ACACA: variants seen among roughly 807,000 people sequenced by gnomAD.
ACACA encodes the protein acetyl-CoA carboxylase alpha.
A neutral mutation model predicts 296.1 loss-of-function variants in ACACA; 103 were observed. The ratio of observed to expected loss-of-function variants is 0.35; its 90% CI spans 0.30 to 0.41. The LOEUF (loss-of-function observed/expected upper bound fraction) is 0.41. ACACA is among the 10% of genes least tolerant of loss of function. ACACA has a pLI of 1.00. For missense variants in ACACA, 1,554 were observed against 2,989.7 expected, an observed-to-expected ratio of 0.52 and a Z score of 11.20; for synonymous variants, 953 against 1,038.6, an observed-to-expected ratio of 0.92 and a Z score of 1.58.
chr17:37,318,560 G>A (rs2047200541), intron 3 of ACACA, among the ~76,000 whole-genome samples: 1 of 152,064 alleles, frequency 6.6e-6, no homozygotes, highest in Non-Finnish European at 1.5e-5. Context: ...TTCAATAGTG[G>A]TTATTCTCAA....
chr17:37,399,661 G>A (rs1488071779), intron 1 of ACACA, among the ~76,000 whole-genome samples: 2 of 152,160 alleles, frequency 1.3e-5, no homozygotes, highest in African/African-American at 4.8e-5. Flanking sequence ...TCCGCACTCT[G>A]TGTACATGAG....
At chr17:37,335,897 A>G (rs2048095489) in intron 2 of ACACA, among the ~76,000 whole-genome samples, 1 of 152,166 alleles carries the variant, frequency 6.6e-6, no homozygotes, top group Non-Finnish European at 1.5e-5. Context: ...TATGTTAATC[A>G]ATCCGGAATC....
chr17:37,102,465 G>A lies in ACACA; in HGVS notation c.6566-4481C>T, dbSNP rs189709348. ...GATCTGCCTGCCTCGGCCTCCAAAA[G>A]TGCTGGGATTACAGGTGTGAGCCAC... On this transcript the variant is annotated intron_variant, in intron 52 of 55. Transcript: ENST00000616317. Among the ~76,000 whole-genome samples, 690 of 152,270 alleles carry A rather than the reference G, an allele frequency of 4.5e-3. 2 individuals carry two copies. The highest frequency in any genetic ancestry group is 7.2e-3 in the Non-Finnish European group (487 of 68,018).
intron 10 of ACACA, among the ~76,000 whole-genome samples, chr17:37,268,743 A>ATCTATCTATCTATCTATCTATC (rs1260971683): frequency 9.8e-6 from 1 of 102,070 alleles, no homozygotes; most frequent in Non-Finnish European, 2.1e-5. Flanking sequence ...CTATCTATCT[A>ATCTATCTATCTATCTATCTATC]TATATATATA....
intron 10 of ACACA, among the ~76,000 whole-genome samples, chr17:37,269,042 A>AT (rs1185437534): frequency 4.7e-4 from 64 of 136,430 alleles, no homozygotes; most frequent in Middle Eastern, 3.5e-3. Flanking sequence ...CAATGAAAAA[A>AT]ATGTAAAAAA....
intron 14 of ACACA, among the ~76,000 whole-genome samples, chr17:37,255,294 T>A (rs999354992): frequency 6.6e-6 from 1 of 152,056 alleles, no homozygotes; most frequent in Non-Finnish European, 1.5e-5. Flanking sequence ...GAAATTATAC[T>A]GGAATATACT....
At chr17:37,219,614 T>C (rs557397043) in intron 29 of ACACA, among the ~76,000 whole-genome samples, 156 of 151,640 alleles carry the variant, frequency 1.0e-3, no homozygotes, top group Non-Finnish European at 2.0e-3. Context: ...CATAATAAGG[T>C]TATAAATCCA....
intron 3 of ACACA, among the ~76,000 whole-genome samples, chr17:37,311,712 A>G (rs1158024806): frequency 6.6e-6 from 1 of 152,004 alleles, no homozygotes; most frequent in Non-Finnish European, 1.5e-5. Context: ...AAGAACAAGA[A>G]AAGCTTCATA....
intron 1 of ACACA, among the ~76,000 whole-genome samples, chr17:37,351,604 G>T (rs2048906224): frequency 6.6e-6 from 1 of 152,170 alleles, no homozygotes; most frequent in Non-Finnish European, 1.5e-5. Flanking sequence ...ATCTGTCAGA[G>T]GATTTAGCCA....
chr17:37,368,441 C>T lies in ACACA; in HGVS notation c.39-28591G>A, dbSNP rs148561282. Among the ~76,000 whole-genome samples the T allele has an allele frequency of 8.0e-3, 1,215 of 151,710 alleles. 15 individuals are homozygous for T. The highest frequency in any genetic ancestry group is 0.028 in the African/African-American group (1,149 of 41,362). ...ACTAAAAATACAAAAATTAGCTGGG[C>T]ATGGTGGCGGGAACCTGTAATCCCA... On this transcript the variant is annotated intron_variant, in intron 1 of 55. Transcript: ENST00000616317.
chr17:37,269,349 C>A (rs1168630963), intron 10 of ACACA, among the ~76,000 whole-genome samples: 1 of 152,114 alleles, frequency 6.6e-6, no homozygotes, highest in Non-Finnish European at 1.5e-5. Flanking sequence ...TCCCAATAAA[C>A]CCAACATAAG....
chr17:37,112,049 ACTATCTATCTATCTAT>A lies in ACACA; in HGVS notation c.6453-422_6453-407del, dbSNP rs10531552. Among the ~76,000 whole-genome samples, 25 of 149,458 alleles carry A rather than the reference ACTATCTATCTATCTAT, an allele frequency of 1.7e-4. 1 individual carries two copies. The highest frequency in any genetic ancestry group is 2.7e-4 in the Non-Finnish European group (18 of 67,540). ...TAATGAAGGGCAATACTTCATCAAT[ACTATCTATCTATCTAT>A]CTATCTATCTATCTATCTACCTCAC... On this transcript the variant is annotated intron_variant, in intron 51 of 55. Coordinates refer to ENST00000616317, the MANE Select transcript of ACACA (RefSeq NM_198834.3).
intron 30 of ACACA, among the ~76,000 whole-genome samples, chr17:37,209,016 A>T (rs963067413): frequency 2.6e-5 from 4 of 152,244 alleles, no homozygotes; most frequent in African/African-American, 7.2e-5. Flanking sequence ...TCTTTGTAGG[A>T]TGGGAGTGCT....
chr17:37,403,368 CTTTTTTTTT>C (rs36037660), intron 1 of ACACA, among the ~76,000 whole-genome samples: 6 of 112,178 alleles, frequency 5.3e-5, no homozygotes, highest in Admixed American at 9.5e-5. Flanking sequence ...TTTGCCACAT[CTTTTTTTTT>C]TTTTTTTTTT....
At position 37,107,733 on chromosome 17, in the gene ACACA, C is replaced by T. The variant is rs1015895052; in HGVS notation, c.6565+3798G>A. Among the ~76,000 whole-genome samples, 6 of 152,378 alleles carry T rather than the reference C, an allele frequency of 3.9e-5. No individual in the cohort carries two copies. In the South Asian group the frequency reaches 1.2e-3, roughly 32 times the overall value. The stretch of plus-strand genomic sequence containing the variant: ...CCTAAGCGGCTCCTTTGCCCAGGTG[C>T]TCTTCATTTTGAGAGAGAGGGACAG... On this transcript the variant is annotated intron_variant, in intron 52 of 55. Transcript: ENST00000616317.
chr17:37,087,560 T>G lies in ACACA; in HGVS notation c.7029-121A>C, dbSNP rs962685200. On this transcript the variant is annotated intron_variant, in intron 55 of 55. Transcript: ENST00000616317. ...CCACTGCAGACATTTTAGTCACGCC[T>G]CACCTTATTTGTTTCCCTATATTAC... is the stretch of plus-strand genomic sequence containing the variant. 6.6e-6 allele frequency: 8 copies of G among 1,209,130 alleles called. No homozygotes were observed. The Admixed American group carries it at 7.7e-5, about 12-fold the overall frequency. 74.9% of individuals were successfully genotyped at this position (1,209,130 alleles called of 1,614,324 possible).
In ACACA at chr17:37,263,796, A is replaced by G; in HGVS notation, c.1218T>C (p.Asn406=). 1 of 1,614,090 alleles carries G rather than the reference A, an allele frequency of 6.2e-7. No homozygotes were observed. The highest frequency in any genetic ancestry group is 8.5e-7 in the Non-Finnish European group (1 of 1,179,990). ...EVQILADQYG[N]AISLFGRDCS... ...AATCACGACCAAACAAAGAGATAGC[A>G]TTGCCATATTGGTCCGCTAAGATCT... is the stretch of plus-strand genomic sequence containing the variant. The change falls in exon 11 of 56, where the codon AAT becomes AAC. Residue 406 remains asparagine (N), a synonymous_variant. Coordinates refer to ENST00000616317, the MANE Select transcript of ACACA (RefSeq NM_198834.3).
intron 54 of ACACA, among the ~76,000 whole-genome samples, chr17:37,091,079 GATTA>G (rs369074869): frequency 1.3e-5 from 2 of 152,208 alleles, no homozygotes; most frequent in Non-Finnish European, 2.9e-5. Context: ...CCAGGGAGCA[GATTA>G]ATTGTGGCTT....
chr17:37,389,589 A>G (rs1025924556), intron 1 of ACACA, among the ~76,000 whole-genome samples: 1 of 152,032 alleles, frequency 6.6e-6, no homozygotes, highest in East Asian at 1.9e-4. Flanking sequence ...CGGAAGGCTG[A>G]GGCAGGAGAA....
Sources: gnomAD v4.1 joint callset for allele counts (sites outside exome capture counted in the v4.1 genomes callset) on GRCh38, gnomAD v4.1.1 for gene constraint, MANE v1.5 for transcripts, NCBI Gene and HGNC (gene_info 2026-07-23, HGNC 2026-07-21) for gene names.